Variants in MTMR6 observed in about 807,000 individuals in gnomAD.
MTMR6 encodes the protein phosphatidylinositol-3,5-bisphosphate 3-phosphatase MTMR6.
In MTMR6, 47 loss-of-function variants were observed where a neutral mutation model predicts 80.1. The observed-to-expected ratio is 0.59, with a 90% CI of 0.46 to 0.75. The LOEUF is 0.75. Among genes scored for constraint, MTMR6 ranks in the 30% least tolerant of loss-of-function variants. The pLI is 0.00. For synonymous variants in MTMR6, 254 were observed against 253.0 expected, an observed-to-expected ratio of 1.00 and a Z score of -0.04; for missense variants, 629 against 730.9, an observed-to-expected ratio of 0.86 and a Z score of 1.61.
chr13:25,262,891 T>G (rs927499531), intron 5 of MTMR6, among the ~76,000 whole-genome samples: 3 of 152,268 alleles, frequency 2.0e-5, no homozygotes, highest in Non-Finnish European at 4.4e-5. Flanking sequence ...ATAACTATTT[T>G]CAGCCCAACT....
Position 25,257,837 on chromosome 13 carries a change from T to C in MTMR6, c.868A>G (p.Thr290Ala). The change falls in exon 8 of 14, where the codon ACT (threonine) becomes GCT (alanine). Residue 290 changes from threonine to alanine, a missense_variant. Physicochemically the swap from Thr to Ala is moderately conservative, Grantham distance 58. Transcript: ENST00000381801. ...SLQKLLEVNG[T>A]KGLSVNDFYS... ...AAATCATTGACAGAAAGCCCTTTAG[T>C]GCCATTGACTGAAAGAGGTATAAAA... The C allele has an allele frequency of 6.2e-7, 1 of 1,610,742 alleles. No individual in the cohort carries two copies. The highest frequency in any genetic ancestry group is 1.1e-5 in the South Asian group (1 of 90,748).
chr13:25,274,007 A>T, intron 2 of MTMR6, 64 bp downstream of exon 2: 1 of 1,165,010 alleles, frequency 8.6e-7, no homozygotes. Flanking sequence ...CACATTCAAA[A>T]TAAAACATGA....
chr13:25,270,525 C>G (rs1957549098), intron 2 of MTMR6, among the ~76,000 whole-genome samples: 1 of 152,098 alleles, frequency 6.6e-6, no homozygotes, highest in African/African-American at 2.4e-5. Context: ...ATTTATATCT[C>G]TACGAGATGG....
chr13:25,272,679 A>T (rs772880928), intron 2 of MTMR6, among the ~76,000 whole-genome samples: 1 of 152,202 alleles, frequency 6.6e-6, no homozygotes, highest in Non-Finnish European at 1.5e-5. Context: ...GCTCCCACTT[A>T]TAAGTGAGAA....
rs2137570033 is a variant in MTMR6, at chr13:25,266,298, A to G, written c.305-12T>C. ...ATCTTCATATTTTGCTACAGAATAC[A>G]AAATTTTAAATGTTAAGTGCAATTT... On this transcript the variant is annotated splice_polypyrimidine_tract_variant and intron_variant, in intron 3 of 13. Transcript: ENST00000381801. The G allele has an allele frequency of 2.5e-6, 4 of 1,595,656 alleles. No homozygotes were observed. In the East Asian group the frequency reaches 8.9e-5, roughly 36 times the overall value.
At chr13:25,253,726 AG>A (rs779436731) in intron 11 of MTMR6, 37 bp downstream of exon 11, 2 of 1,560,536 alleles carry the variant, frequency 1.3e-6, no homozygotes, top group Non-Finnish European at 1.8e-6. Flanking sequence ...TCGGCTAAGT[AG>A]GGGGAAAAGG....
chr13:25,272,923 T>C (rs910932513), intron 2 of MTMR6, among the ~76,000 whole-genome samples: 1 of 152,208 alleles, frequency 6.6e-6, no homozygotes, highest in Non-Finnish European at 1.5e-5. Context: ...TTTGGTTGAT[T>C]TATTTTCCTT....
At position 25,258,590 on chromosome 13, in the gene MTMR6, T is replaced by A. The variant is rs1957265855; in HGVS notation, c.829A>T (p.Met277Leu). 6.3e-7 allele frequency: 1 copy of A among 1,595,782 alleles called. No individual in the cohort carries two copies. The highest frequency in any genetic ancestry group is 8.5e-7 in the Non-Finnish European group (1 of 1,175,312). The change falls in exon 7 of 14, where the codon ATG becomes TTG. Residue 277 changes from methionine to leucine, a missense_variant. By Grantham distance (15) the Met-to-Leu change is conservative (BLOSUM62 2). Coordinates refer to ENST00000381801, the MANE Select transcript of MTMR6 (RefSeq NM_004685.5). Reference sequence around the variant, plus strand: ...AATAATTTCTGAAGGCTGGACCTCATGACATGAATATTTTCAATTCCAACA... The same window carrying A: ...AATAATTTCTGAAGGCTGGACCTCAAGACATGAATATTTTCAATTCCAACA... The part of the protein sequence containing the change: ...QFVGIENIHV[M>L]RSSLQKLLEV...
At chr13:25,279,807 A>G (rs1391857022) in intron 1 of MTMR6, among the ~76,000 whole-genome samples, 1 of 152,190 alleles carries the variant, frequency 6.6e-6, no homozygotes, top group Non-Finnish European at 1.5e-5. Context: ...GAAATATAAC[A>G]TTTATGTCTC....
Position 25,247,539 on chromosome 13 carries a change from C to T in MTMR6, c.*1693G>A, listed in dbSNP as rs1957004324. On this transcript the variant is annotated 3_prime_UTR_variant, in exon 14 of 14. Transcript: ENST00000381801. ...AAGTCAGCCACAGAAGATTCTAAAACCACAATCAGTGACTGGAACACCAAG... is the reference window on the plus strand; with the variant it reads ...AAGTCAGCCACAGAAGATTCTAAAATCACAATCAGTGACTGGAACACCAAG... The T allele has an allele frequency of 6.6e-6, 1 of 152,172 alleles. No homozygotes were observed. The highest frequency in any genetic ancestry group is 2.1e-4 in the South Asian group (1 of 4,834). 9.4% of individuals were successfully genotyped at this position (152,172 alleles called of 1,614,324 possible).
chr13:25,268,934 C>G (rs1957510747), intron 2 of MTMR6, among the ~76,000 whole-genome samples: 1 of 152,222 alleles, frequency 6.6e-6, no homozygotes, highest in Non-Finnish European at 1.5e-5. Flanking sequence ...TCCCTGGCCT[C>G]TCCCAACTCC....
chr13:25,279,820 T>C (rs77536025), intron 1 of MTMR6, among the ~76,000 whole-genome samples: 9 of 152,226 alleles, frequency 5.9e-5, no homozygotes, highest in Non-Finnish European at 1.0e-4. Context: ...TATGTCTCAA[T>C]AGCAGAGGTT....
chr13:25,275,242 C>T (rs2137607389), intron 1 of MTMR6, among the ~76,000 whole-genome samples: 1 of 151,840 alleles, frequency 6.6e-6, no homozygotes, highest in Middle Eastern at 3.4e-3. Flanking sequence ...GCCTGGCCAA[C>T]ATGATGAGAC....
At chr13:25,281,361 A>C (rs1467524678) in intron 1 of MTMR6, among the ~76,000 whole-genome samples, 1 of 151,728 alleles carries the variant, frequency 6.6e-6, no homozygotes, top group African/African-American at 2.4e-5. Context: ...AGACAGGAGA[A>C]AGGACAAAGA....
intron 6 of MTMR6, among the ~76,000 whole-genome samples, chr13:25,259,642 A>G (rs1230133807): frequency 6.6e-6 from 1 of 152,190 alleles, no homozygotes; most frequent in Non-Finnish European, 1.5e-5. Context: ...AAAGAATGAT[A>G]TATTTTCTGT....
Position 25,274,111 on chromosome 13 carries a change from G to A in MTMR6, c.101C>T (p.Thr34Ile). 1.2e-6 allele frequency: 2 copies of A among 1,612,268 alleles called. No individual in the cohort carries two copies. Among genetic ancestry groups the A allele is most frequent in the Non-Finnish European group, 1.7e-6 (2 of 1,179,006 alleles). The change falls in exon 2 of 14, where the codon ACA (threonine) becomes ATA (isoleucine). Residue 34 changes from threonine (T) to isoleucine (I), a missense_variant. Transcript: ENST00000381801. The stretch of plus-strand genomic sequence containing the variant: ...ATGAGAGTCGATAAATAATAGATGT[G>A]TAGCCGTAAGATACAGTGTTCCTGT... ...SLTGTLYLTA[T>I]HLLFIDSHQK...
intron 11 of MTMR6, 142 bp downstream of exon 11, chr13:25,253,622 T>G (rs1257223722): frequency 1.4e-6 from 1 of 735,864 alleles, no homozygotes; most frequent in East Asian, 2.7e-5. Flanking sequence ...AGAAGGGTAC[T>G]CAGCTTTAGA....
Position 25,253,852 on chromosome 13 carries a change from C to G in MTMR6, c.1258G>C (p.Ala420Pro), listed in dbSNP as rs1484753778. 2 of 1,614,050 alleles carry G rather than the reference C, an allele frequency of 1.2e-6. No homozygotes were observed. The highest frequency in any genetic ancestry group is 1.7e-6 in the Non-Finnish European group (2 of 1,179,986). ...QFPQAFEFSE[A>P]FLLQIHEHIH... ...TGCTCATGGATCTGAAGAAGAAATG[C>G]TTCACTGAATTCAAAGGCTTGTGGA... is the stretch of plus-strand genomic sequence containing the variant. Residue 420 changes from alanine (A) to proline (P), a missense_variant, in exon 11 of 14, where the codon GCA becomes CCA. Transcript: ENST00000381801.
chr13:25,285,754 G>A lies in MTMR6; in HGVS notation c.24+1470C>T, dbSNP rs113902876. Reference sequence around the variant, plus strand: ...TTGCCAGGTTGTCCAGGCTGGTCTCGAACTCCTTACCTCAAGTGATCCGCC... The same window carrying A: ...TTGCCAGGTTGTCCAGGCTGGTCTCAAACTCCTTACCTCAAGTGATCCGCC... On this transcript the variant is annotated intron_variant, in intron 1 of 13. Coordinates refer to ENST00000381801, the MANE Select transcript of MTMR6 (RefSeq NM_004685.5). Among the ~76,000 whole-genome samples, 936 of 152,050 alleles carry A rather than the reference G, an allele frequency of 6.2e-3. 12 individuals carry two copies. The highest frequency in any genetic ancestry group is 0.021 in the African/African-American group (858 of 41,468).
Sources: gnomAD v4.1 joint callset for allele counts (sites outside exome capture counted in the v4.1 genomes callset) on GRCh38, gnomAD v4.1.1 for gene constraint, MANE v1.5 for transcripts, NCBI Gene and HGNC (gene_info 2026-07-23, HGNC 2026-07-21) for gene names.